TBC1D31: variants seen among roughly 807,000 people sequenced by gnomAD.
The protein encoded by TBC1D31 is WD repeat domain 67.
A neutral mutation model predicts 132.9 loss-of-function variants in TBC1D31; 99 were observed. The observed-to-expected ratio is 0.74, with a 90% CI of 0.63 to 0.88. The LOEUF is 0.88. Ranked by LOEUF, TBC1D31 falls within the 40% of genes least tolerant of loss-of-function variation. TBC1D31 has a pLI of 0.00. For synonymous variants in TBC1D31, 385 were observed against 419.4 expected, an observed-to-expected ratio of 0.92 and a Z score of 1.00; for missense variants, 1,134 against 1,256.6, an observed-to-expected ratio of 0.90 and a Z score of 1.48.
chr8:123,129,513 T>A (rs1362300745), intron 15 of TBC1D31, among the ~76,000 whole-genome samples: 1 of 152,246 alleles, frequency 6.6e-6, no homozygotes, highest in Non-Finnish European at 1.5e-5. Flanking sequence ...TGGGCAGAAA[T>A]GCTTTGTAAT....
At chr8:123,138,512 T>G (rs769451371) in intron 17 of TBC1D31, among the ~76,000 whole-genome samples, 2 of 152,240 alleles carry the variant, frequency 1.3e-5, no homozygotes, top group Non-Finnish European at 2.9e-5. Context: ...TGTGTTTGGC[T>G]TTTTTAACCT....
At chr8:123,157,663 T>A in the TBC1D31 span, among the ~76,000 whole-genome samples, 1 of 151,740 alleles carries the variant, frequency 6.6e-6, no homozygotes, top group African/African-American at 2.4e-5. Context: ...AAACCCAGGG[T>A]CAAGGAGTTG....
chr8:123,149,275 T>C (rs1372500313), intron 20 of TBC1D31, among the ~76,000 whole-genome samples: 1 of 152,202 alleles, frequency 6.6e-6, no homozygotes, highest in East Asian at 1.9e-4. Flanking sequence ...GTCACATTAC[T>C]TTAATGACTC....
At chr8:123,148,171 CAT>C (rs1367769841) in intron 20 of TBC1D31, among the ~76,000 whole-genome samples, 1 of 151,574 alleles carries the variant, frequency 6.6e-6, no homozygotes, top group Non-Finnish European at 1.5e-5. Flanking sequence ...AAAAAATACA[CAT>C]GTTCAAGACC....
At chr8:123,099,308 G>C (rs1456693699) in intron 6 of TBC1D31, among the ~76,000 whole-genome samples, 2 of 152,088 alleles carry the variant, frequency 1.3e-5, no homozygotes, top group African/African-American at 4.8e-5. Context: ...TTTTAGTAGA[G>C]ACGGGGTTTC....
At chr8:123,144,653 C>A in intron 19 of TBC1D31, 64 bp from the exon 20 acceptor site, 1 of 1,456,114 alleles carries the variant, frequency 6.9e-7, no homozygotes, top group South Asian at 1.3e-5. Flanking sequence ...GTGGCTCATT[C>A]CACTGTGAAA....
chr8:123,091,463 T>C (rs1045985132), intron 4 of TBC1D31, among the ~76,000 whole-genome samples: 1 of 152,226 alleles, frequency 6.6e-6, no homozygotes, highest in Non-Finnish European at 1.5e-5. Context: ...TAGAAATCTG[T>C]AAGGCCTTCA....
At chr8:123,102,532 C>T (rs1663390807) in intron 7 of TBC1D31, 1 of 285,268 alleles carries the variant, frequency 3.5e-6, no homozygotes, top group African/African-American at 2.3e-5. Context: ...TATATGTTCC[C>T]AATTTCTTTT....
chr8:123,136,954 G>T (rs1338796790), intron 17 of TBC1D31, among the ~76,000 whole-genome samples: 2 of 152,054 alleles, frequency 1.3e-5, no homozygotes, highest in African/African-American at 4.8e-5. Context: ...TTTCAAATTG[G>T]CTGTAGTGAT....
At chr8:123,146,807 C>A (rs955711785) in intron 20 of TBC1D31, among the ~76,000 whole-genome samples, 7 of 152,118 alleles carry the variant, frequency 4.6e-5, no homozygotes, top group African/African-American at 1.7e-4. Flanking sequence ...GCCTCAGCTT[C>A]CTGAGTCGCT....
At chr8:123,148,396 G>A (rs1046741799) in intron 20 of TBC1D31, among the ~76,000 whole-genome samples, 3 of 152,124 alleles carry the variant, frequency 2.0e-5, no homozygotes, top group African/African-American at 7.2e-5. Context: ...AAGATGAATT[G>A]AACAGGAGTG....
chr8:123,121,238 G>A (rs192825704), intron 11 of TBC1D31, among the ~76,000 whole-genome samples: 7 of 152,240 alleles, frequency 4.6e-5, no homozygotes, highest in East Asian at 1.9e-4. Flanking sequence ...GATTACAGAC[G>A]TGAGCCCCTG....
chr8:123,075,160 A>G (rs1162623175), intron 1 of TBC1D31: 1 of 152,174 alleles, frequency 6.6e-6, no homozygotes, highest in African/African-American at 2.4e-5. Flanking sequence ...TGGAGGAAAA[A>G]GTTGTTTGCT....
intron 4 of TBC1D31, among the ~76,000 whole-genome samples, chr8:123,089,777 A>C (rs1816150466): frequency 6.6e-6 from 1 of 152,248 alleles, no homozygotes; most frequent in Non-Finnish European, 1.5e-5. Context: ...TCAGAAACCC[A>C]AAAGTATTTA....
At chr8:123,080,444 G>T (rs986243721) in intron 2 of TBC1D31, among the ~76,000 whole-genome samples, 1 of 151,838 alleles carries the variant, frequency 6.6e-6, no homozygotes, top group African/African-American at 2.4e-5. Context: ...GTAGAGAAGG[G>T]AAGAGGGACC....
In TBC1D31 at chr8:123,138,429, G is replaced by GA. The variant is rs370204783; in HGVS notation, c.2500-2326dup. ...CTGTCTATAGATGATTAGAAAAGTAGAAAAAATCCCTCGAGAAATAACAAC... is the reference window on the plus strand; with the variant it reads ...CTGTCTATAGATGATTAGAAAAGTAGAAAAAAATCCCTCGAGAAATAACAAC... On this transcript the variant is annotated intron_variant, in intron 17 of 21. Coordinates refer to ENST00000287380, the MANE Select transcript of TBC1D31 (RefSeq NM_145647.4). Among the ~76,000 whole-genome samples the GA allele has an allele frequency of 2.3e-3, 356 of 152,190 alleles. 1 individual carries two copies. Among genetic ancestry groups the GA allele is most frequent in the African/African-American group, 7.7e-3 (318 of 41,554 alleles).
intron 4 of TBC1D31, 81 bp from the exon 5 acceptor site, chr8:123,093,510 A>T: frequency 2.1e-6 from 2 of 945,826 alleles, no homozygotes; most frequent in Non-Finnish European, 3.0e-6. Context: ...AATAAAGAAA[A>T]ATAGACTACT....
chr8:123,108,260 A>G (rs1357196504), intron 8 of TBC1D31, among the ~76,000 whole-genome samples: 3 of 152,236 alleles, frequency 2.0e-5, no homozygotes, highest in Non-Finnish European at 4.4e-5. Flanking sequence ...AAAGGAAGAC[A>G]TTTCATCTGT....
chr8:123,164,709 G>A, the TBC1D31 span, among the ~76,000 whole-genome samples: 174 of 128,576 alleles, frequency 1.4e-3, 1 homozygote, highest in African/African-American at 3.9e-3. Context: ...GCAACAGAGC[G>A]AGACTCCATC....
Sources: gnomAD v4.1 joint callset for allele counts (sites outside exome capture counted in the v4.1 genomes callset) on GRCh38, gnomAD v4.1.1 for gene constraint, MANE v1.5 for transcripts, NCBI Gene and HGNC (gene_info 2026-07-23, HGNC 2026-07-21) for gene names.